Variants in GOT1L1 observed in about 807,000 individuals in gnomAD.
GOT1L1 encodes glutamic-oxaloacetic transaminase 1 like 1, also known as aspartate aminotransferase, cytoplasmic 2.
GOT1L1 carries 38 observed loss-of-function variants against 43.6 expected under a neutral mutation model. That is an observed-to-expected ratio of 0.87 (90% confidence interval 0.67 to 1.14). GOT1L1 has a LOEUF of 1.14. Among genes scored for constraint, GOT1L1 ranks in the 50% most tolerant of loss-of-function variants. The probability of loss-of-function intolerance (pLI) is 0.00; values close to 1 mark genes in which losing one functional copy is unlikely to be tolerated. For synonymous variants in GOT1L1, 183 were observed against 187.2 expected, an observed-to-expected ratio of 0.98 and a Z score of 0.18; for missense variants, 482 against 504.0, an observed-to-expected ratio of 0.96 and a Z score of 0.42.
intron 4 of GOT1L1, 37 bp downstream of exon 4, chr8:37,937,240 A>G: frequency 3.7e-6 from 5 of 1,362,036 alleles, no homozygotes; most frequent in Non-Finnish European, 5.1e-6. Flanking sequence ...GCTGTAAGTC[A>G]GCTCTAGGGA....
chr8:37,938,063 C>T (rs1344399034), intron 2 of GOT1L1, among the ~76,000 whole-genome samples: 1 of 150,848 alleles, frequency 6.6e-6, no homozygotes, highest in Non-Finnish European at 1.5e-5. Context: ...AGTAAATAAA[C>T]ATTAAAAAAT....
chr8:37,938,135 T>G (rs1807814629), intron 2 of GOT1L1, among the ~76,000 whole-genome samples: 1 of 152,128 alleles, frequency 6.6e-6, no homozygotes, highest in Admixed American at 6.6e-5. Flanking sequence ...CAGTAGCTCA[T>G]GCCTGTAATC....
rs1807692367 is a variant in GOT1L1, at chr8:37,934,467, C to A, written c.1092G>T (p.Leu364=). The A allele has an allele frequency of 6.2e-7, 1 of 1,613,316 alleles. No individual in the cohort carries two copies. The highest frequency in any genetic ancestry group is 1.3e-5 in the African/African-American group (1 of 74,902). Residue 364 remains leucine (L), a synonymous_variant, in exon 9 of 9, where the codon CTG becomes CTT. Transcript: ENST00000307599. ...LGLNSQQVEY[L]VRKKHIYIPK... is the part of the protein sequence containing the mutation. The stretch of plus-strand genomic sequence containing the variant: ...GGATATAGATGTGCTTCTTCCTGAC[C>A]AGGTATTCCACCTGCTGGGCTAAAA...
chr8:37,936,874 T>C lies in GOT1L1; in HGVS notation c.613-4A>G, dbSNP rs2130265721. 24 of 1,611,442 alleles carry C rather than the reference T, an allele frequency of 1.5e-5. No homozygotes were observed. The highest frequency in any genetic ancestry group is 2.7e-5 in the African/African-American group (2 of 74,952). On this transcript the variant is annotated splice_polypyrimidine_tract_variant and splice_region_variant and intron_variant, in intron 5 of 8. Coordinates refer to ENST00000307599, the MANE Select transcript of GOT1L1 (RefSeq NM_152413.3). ...AAAATGGGAATATCTGCTTGCTCTG[T>C]AGGAGAAAGGAGAACAAAAAAAGAA...
chr8:37,938,900 A>T lies in GOT1L1; in HGVS notation c.116-19T>A. The T allele has an allele frequency of 6.2e-7, 1 of 1,611,782 alleles. No homozygotes were observed. Among genetic ancestry groups the T allele is most frequent in the East Asian group, 2.2e-5 (1 of 44,820 alleles). On this transcript the variant is annotated intron_variant, in intron 1 of 8. Transcript: ENST00000307599. ...ATGCAGACTGTGAGGAAAACCACAG[A>T]GGGAGCTCCAGATGCCTGGTTTGGG...
chr8:37,937,469 T>G, intron 3 of GOT1L1, 83 bp from the exon 4 acceptor site: 2 of 1,053,300 alleles, frequency 1.9e-6, no homozygotes. Context: ...GGGCTGAGAG[T>G]CACTGGCTGA....
chr8:37,939,833 C>G (rs1807878692), intron 1 of GOT1L1, 82 bp downstream of exon 1: 2 of 1,358,780 alleles, frequency 1.5e-6, no homozygotes, highest in African/African-American at 2.9e-5. Context: ...CTGCACCCCT[C>G]CCCCTGCAGC....
In GOT1L1 at chr8:37,934,373, T is replaced by C. The variant is rs1807689132; in HGVS notation, c.1186A>G (p.Asn396Asp). The change falls in exon 9 of 9, where the codon AAT (asparagine) becomes GAT (aspartate). Residue 396 changes from asparagine (N) to aspartate (D), a missense_variant. Coordinates refer to ENST00000307599, the MANE Select transcript of GOT1L1 (RefSeq NM_152413.3). ...NNINYITEGI[N>D]EAVLLTESSE... is the part of the protein sequence containing the mutation. Reference sequence around the variant, plus strand: ...CTCTCTGTGAGGAGGACAGCCTCATTGATGCCCTCAGTGATGTAATTTATG... The same window carrying C: ...CTCTCTGTGAGGAGGACAGCCTCATCGATGCCCTCAGTGATGTAATTTATG... The C allele has an allele frequency of 6.2e-7, 1 of 1,612,916 alleles. No homozygotes were observed. The highest frequency in any genetic ancestry group is 8.5e-7 in the Non-Finnish European group (1 of 1,178,882).
In GOT1L1 at chr8:37,935,122, C is replaced by A. The variant is rs1233272234; in HGVS notation, c.1023G>T (p.Trp341Cys). ...KLQLLGTPGS[W>C]GHITEQSGTH... ...TCCCACTCTGCTCGGTGATGTGACC[C>A]CAGGACCCAGGGGTTCCCAGGAGCT... The change falls in exon 8 of 9, where the codon TGG (tryptophan) becomes TGT (cysteine). Residue 341 changes from tryptophan (W) to cysteine (C), a missense_variant. Coordinates refer to ENST00000307599, the MANE Select transcript of GOT1L1 (RefSeq NM_152413.3). 6.2e-7 allele frequency: 1 copy of A among 1,613,632 alleles called. No homozygotes were observed. Among genetic ancestry groups the A allele is most frequent in the Non-Finnish European group, 8.5e-7 (1 of 1,179,802 alleles).
At chr8:37,935,980 C>T in intron 6 of GOT1L1, 111 bp from the exon 7 acceptor site, 3 of 1,206,888 alleles carry the variant, frequency 2.5e-6, no homozygotes, top group East Asian at 2.7e-5. Context: ...CCACAAGGCC[C>T]TCATTGCAGC....
At chr8:37,939,428 AAAAATATATAT>A (rs1199101405) in intron 1 of GOT1L1, among the ~76,000 whole-genome samples, 21 of 55,252 alleles carry the variant, frequency 3.8e-4, no homozygotes, top group African/African-American at 1.7e-3. Context: ...AAAAAAAAAA[AAAAATATATAT>A]ATATATATAT....
chr8:37,934,314 T>G lies in GOT1L1; in HGVS notation c.1245A>C (p.Thr415=). The change falls in exon 9 of 9, where the codon ACA becomes ACC. Residue 415 remains threonine, a synonymous_variant. Coordinates refer to ENST00000307599, the MANE Select transcript of GOT1L1 (RefSeq NM_152413.3). ...AAGACTAAAGTTTTATTCCAATCAG[T>G]GTTTTTTTTTCCTTTGGAAGACACA... ...SEMCLPKEKK[T]LIGIKL 1 of 1,609,816 alleles carries G rather than the reference T, an allele frequency of 6.2e-7. No homozygotes were observed. Among genetic ancestry groups the G allele is most frequent in the Non-Finnish European group, 8.5e-7 (1 of 1,177,144 alleles).
intron 7 of GOT1L1, among the ~76,000 whole-genome samples, 195 bp downstream of exon 7, chr8:37,935,509 T>C (rs1213589692): frequency 6.6e-6 from 1 of 152,188 alleles, no homozygotes; most frequent in East Asian, 1.9e-4. Context: ...GTCCTATCAC[T>C]CTGTCCCCTA....
At chr8:37,936,612 C>G in intron 6 of GOT1L1, 108 bp downstream of exon 6, 1 of 1,006,088 alleles carries the variant, frequency 9.9e-7, no homozygotes, top group Non-Finnish European at 1.5e-6. Context: ...AGTGCTCTCC[C>G]TAGAGTCCTT....
At chr8:37,938,085 G>T (rs1036443831) in intron 2 of GOT1L1, among the ~76,000 whole-genome samples, 1 of 151,518 alleles carries the variant, frequency 6.6e-6, no homozygotes, top group Non-Finnish European at 1.5e-5. Flanking sequence ...AAAAGAAATA[G>T]ACAGAAATAA....
chr8:37,934,911 A>T, intron 8 of GOT1L1, 162 bp downstream of exon 8: 2 of 736,680 alleles, frequency 2.7e-6, no homozygotes, highest in Non-Finnish European at 2.2e-6. Flanking sequence ...GAGTGTCGGT[A>T]CTTCTGGGGG....
In GOT1L1 at chr8:37,934,931, G is replaced by A. The variant is rs1443857516; in HGVS notation, c.1072+142C>T. 3.4e-5 allele frequency: 31 copies of A among 904,208 alleles called. 1 individual carries two copies. The South Asian group carries it at 5.1e-4, about 15-fold the overall frequency. 56.0% of individuals were successfully genotyped at this position (904,208 alleles called of 1,614,324 possible). ...TCGGTACTTCTGGGGGTCCAGAAGT[G>A]TCTTTAAAGCAGCCCATTTTCCAGA... On this transcript the variant is annotated intron_variant, in intron 8 of 8. Transcript: ENST00000307599.
At chr8:37,937,113 A>G in intron 4 of GOT1L1, 56 bp from the exon 5 acceptor site, 1 of 1,543,676 alleles carries the variant, frequency 6.5e-7, no homozygotes, top group Non-Finnish European at 8.9e-7. Flanking sequence ...TGGCGGCCCC[A>G]GGGCATTTGG....
At chr8:37,939,098 A>C in intron 1 of GOT1L1, 1 of 467,632 alleles carries the variant, frequency 2.1e-6, no homozygotes, top group Non-Finnish European at 3.9e-6. Context: ...AGACAACTGA[A>C]ACCTATGCCA....
Sources: allele counts gnomAD v4.1 joint callset (sites outside exome capture counted in the v4.1 genomes callset), GRCh38; gene constraint gnomAD v4.1.1; transcripts MANE v1.5; gene names NCBI Gene and HGNC (gene_info 2026-07-23, HGNC 2026-07-21).